Variants in NCAN observed in about 807,000 individuals in gnomAD.
NCAN encodes the protein neurocan core protein.
A neutral mutation model predicts 121.8 loss-of-function variants in NCAN; 47 were observed. The ratio of observed to expected loss-of-function variants is 0.39; its 90% CI spans 0.31 to 0.49. The LOEUF (loss-of-function observed/expected upper bound fraction) is 0.49. Ranked by LOEUF, NCAN falls within the 20% of genes least tolerant of loss-of-function variation. The pLI is 0.92. For missense variants in NCAN, 1,517 were observed against 1,773.4 expected, an observed-to-expected ratio of 0.86 and a Z score of 2.60; for synonymous variants, 633 against 702.0, an observed-to-expected ratio of 0.90 and a Z score of 1.55.
intron 2 of NCAN, 102 bp downstream of exon 2, chr19:19,217,128 G>A (rs1035791545): frequency 5.0e-6 from 4 of 803,600 alleles, no homozygotes; most frequent in Middle Eastern, 2.6e-4. Flanking sequence ...TCCTGGCATG[G>A]GCTAGAGAAT....
In NCAN at chr19:19,226,697, C is replaced by T; in HGVS notation, c.1284C>T (p.Thr428=). Residue 428 remains threonine (T), a synonymous_variant, in exon 7 of 15, where the codon ACC becomes ACT. Transcript: ENST00000252575. ...ILEEKQESQQ[T]LSPTPGDPML... ...AGGAGAAGCAGGAGTCTCAACAGAC[C>T]CTCAGCCCTACCCCTGGGGACCCCA... The T allele has an allele frequency of 1.9e-6, 3 of 1,612,954 alleles. No individual in the cohort carries two copies. The highest frequency in any genetic ancestry group is 2.5e-6 in the Non-Finnish European group (3 of 1,179,270).
At position 19,212,450 on chromosome 19, in the gene NCAN, T is replaced by C. The variant is rs1004361355; in HGVS notation, c.-8+386T>C. On this transcript the variant is annotated intron_variant, in intron 1 of 14. Coordinates refer to ENST00000252575, the MANE Select transcript of NCAN (RefSeq NM_004386.3). The surrounding 1 kb of genome is among the most constrained non-coding windows in gnomAD (Gnocchi z 4.5). The stretch of plus-strand genomic sequence containing the variant: ...GGGACTCTGGAACAGGGCACCCCCG[T>C]ATCTCAGCCGAGACACCCCAGGATT... Among the ~76,000 whole-genome samples the C allele has an allele frequency of 6.6e-6, 1 of 151,862 alleles. No homozygotes were observed. Among genetic ancestry groups the C allele is most frequent in the Non-Finnish European group, 1.5e-5 (1 of 67,940 alleles).
chr19:19,248,902 G>T lies in NCAN; in HGVS notation c.3820+20G>T, dbSNP rs750411666. 3.5e-5 allele frequency: 56 copies of T among 1,612,232 alleles called. 1 individual carries two copies. The highest frequency in any genetic ancestry group is 4.1e-5 in the Non-Finnish European group (48 of 1,178,810). The stretch of plus-strand genomic sequence containing the variant: ...CCAAACGTAAGTAGCTTCTCCCAGA[G>T]ATCTCAACATAGGTTTTTGGTATTT... On this transcript the variant is annotated intron_variant, in intron 14 of 14. Transcript: ENST00000252575.
chr19:19,227,307 G>A lies in NCAN; in HGVS notation c.1687G>A (p.Glu563Lys), dbSNP rs763424005. The A allele has an allele frequency of 1.2e-5, 19 of 1,585,500 alleles. No homozygotes were observed. The highest frequency in any genetic ancestry group is 1.6e-5 in the Non-Finnish European group (19 of 1,165,372). Residue 563 changes from glutamate to lysine, a missense_variant, in exon 8 of 15, where the codon GAG becomes AAG. Glu to Lys is a moderately conservative substitution (Grantham distance 56). Coordinates refer to ENST00000252575, the MANE Select transcript of NCAN (RefSeq NM_004386.3). The surrounding 1 kb of genome is among the most constrained non-coding windows in gnomAD (Gnocchi z 4.2). Reference protein sequence around the residue: ...AGSAGGKSSPEPWLWPPTMVP... With the variant: ...AGSAGGKSSPKPWLWPPTMVP... ...TTCTGCTGGTGGCAAGAGCTCCCCA[G>A]AGCCCTGGCTGTGGCCCCCTACCAT... is the stretch of plus-strand genomic sequence containing the variant.
In NCAN at chr19:19,248,681, A is replaced by G; in HGVS notation, c.3638-19A>G. 1.3e-6 allele frequency: 2 copies of G among 1,595,868 alleles called. No individual in the cohort carries two copies. The highest frequency in any genetic ancestry group is 1.7e-6 in the Non-Finnish European group (2 of 1,164,746). ...CCCAGATGTGAGCACCTCTCTCACT[A>G]GAGATTCCTCTGTCCCAGTGCTCTG... On this transcript the variant is annotated intron_variant, in intron 13 of 14. Transcript: ENST00000252575.
chr19:19,220,939 C>G (rs938906727), intron 3 of NCAN, among the ~76,000 whole-genome samples: 1 of 151,548 alleles, frequency 6.6e-6, no homozygotes, highest in Non-Finnish European at 1.5e-5. Context: ...AAACAAAAAA[C>G]AAAAAACGGG....
At chr19:19,238,471 C>A in intron 11 of NCAN, 60 bp downstream of exon 11, 2 of 1,602,366 alleles carry the variant, frequency 1.2e-6, no homozygotes, top group Middle Eastern at 1.7e-4. Flanking sequence ...GCACTTGTAG[C>A]CCTTTTGCCA....
chr19:19,235,784 C>T (rs946829344), intron 10 of NCAN, among the ~76,000 whole-genome samples: 1 of 152,084 alleles, frequency 6.6e-6, no homozygotes, highest in African/African-American at 2.4e-5. Context: ...CCCTGGCACC[C>T]AGGCTGGATG....
At chr19:19,245,276 G>T in intron 12 of NCAN, 37 bp from the exon 13 acceptor site, 1 of 1,609,356 alleles carries the variant, frequency 6.2e-7, no homozygotes, top group Non-Finnish European at 8.5e-7. Flanking sequence ...CTGGAACAGA[G>T]GTCCCCTGAA....
Position 19,220,543 on chromosome 19 carries a change from T to C in NCAN, c.475+1227T>C, listed in dbSNP as rs114313237. Among the ~76,000 whole-genome samples, 1,393 of 145,018 alleles carry C rather than the reference T, an allele frequency of 9.6e-3. 28 individuals carry two copies. The highest frequency in any genetic ancestry group is 0.033 in the African/African-American group (1,287 of 39,494). Reference sequence around the variant, plus strand: ...CATGATCTCAACTCATCGCCAGCTCTGCCTCCCGGGTTCACACCATTCTCC... The same window carrying C: ...CATGATCTCAACTCATCGCCAGCTCCGCCTCCCGGGTTCACACCATTCTCC... On this transcript the variant is annotated intron_variant, in intron 3 of 14. Coordinates refer to ENST00000252575, the MANE Select transcript of NCAN (RefSeq NM_004386.3).
chr19:19,215,686 T>A (rs760478834), intron 1 of NCAN, among the ~76,000 whole-genome samples: 1 of 152,142 alleles, frequency 6.6e-6, no homozygotes, highest in Non-Finnish European at 1.5e-5. Context: ...AATAGAATCT[T>A]GGTGACAACC....
chr19:19,235,042 A>G lies in NCAN; in HGVS notation c.3196A>G (p.Asn1066Asp). The change falls in exon 10 of 15, where the codon AAT becomes GAT. Residue 1066 changes from asparagine (N) to aspartate (D), a missense_variant. By Grantham distance (23) the Asn-to-Asp change is conservative. Transcript: ENST00000252575. ...ENGGTCIDEV[N>D]GFVCLCLPSY... ...TGGAGGCACCTGTATTGATGAGGTC[A>G]ATGGCTTTGTCTGCCTTTGCCTCCC... The G allele has an allele frequency of 1.9e-6, 3 of 1,612,966 alleles. No individual in the cohort carries two copies. Among genetic ancestry groups the G allele is most frequent in the Non-Finnish European group, 1.7e-6 (2 of 1,179,192 alleles).
chr19:19,217,106 C>T (rs2060798774), intron 2 of NCAN, 80 bp downstream of exon 2: 1 of 1,031,856 alleles, frequency 9.7e-7, no homozygotes, highest in Non-Finnish European at 1.3e-6. Flanking sequence ...CCAGAGCCTT[C>T]TCCTGCTGGT....
At chr19:19,234,863 C>T (rs2060875144) in intron 9 of NCAN, 120 bp from the exon 10 acceptor site, 1 of 552,284 alleles carries the variant, frequency 1.8e-6, no homozygotes, top group Non-Finnish European at 3.2e-6. Flanking sequence ...ACTGTGACTG[C>T]TGCACTTAGG....
In NCAN at chr19:19,227,647, A is replaced by C; in HGVS notation, c.2027A>C (p.Lys676Thr). 6.2e-7 allele frequency: 1 copy of C among 1,613,928 alleles called. No homozygotes were observed. The highest frequency in any genetic ancestry group is 8.5e-7 in the Non-Finnish European group (1 of 1,180,006). The change falls in exon 8 of 15, where the codon AAG becomes ACG. Residue 676 changes from lysine to threonine, a missense_variant. Physicochemically the swap from Lys to Thr is moderately conservative, Grantham distance 78 (BLOSUM62 -1). Transcript: ENST00000252575. This position sits in a 1 kb window ranked among gnomAD's most constrained non-coding sequence, Gnocchi z 4.2. ...TAPPSPAAETKVYSLPLSLTP... is the reference protein window; with the variant it reads ...TAPPSPAAETTVYSLPLSLTP... ...CCACCCTCCCCTGCTGCAGAGACCA[A>C]GGTGTATTCCCTGCCTCTCTCTTTG... is the stretch of plus-strand genomic sequence containing the variant.
chr19:19,241,101 TA>T, intron 12 of NCAN, among the ~76,000 whole-genome samples: 1 of 151,808 alleles, frequency 6.6e-6, no homozygotes, highest in East Asian at 1.9e-4. Flanking sequence ...ACTAAAAATA[TA>T]AAAATTAGCT....
intron 8 of NCAN, among the ~76,000 whole-genome samples, chr19:19,232,539 G>A (rs2060864286): frequency 6.6e-6 from 1 of 152,244 alleles, no homozygotes; most frequent in African/African-American, 2.4e-5. Flanking sequence ...AGGAGGGCCA[G>A]CTGCTACCTT....
At chr19:19,213,363 C>T (rs917817679) in intron 1 of NCAN, among the ~76,000 whole-genome samples, 1 of 151,838 alleles carries the variant, frequency 6.6e-6, no homozygotes, top group South Asian at 2.1e-4. Flanking sequence ...GTGCCGAGGG[C>T]CACATCACCA....
intron 12 of NCAN, among the ~76,000 whole-genome samples, chr19:19,242,242 G>T (rs927786962): frequency 6.6e-6 from 1 of 152,008 alleles, no homozygotes; most frequent in Non-Finnish European, 1.5e-5. Context: ...AGAAAAAGAG[G>T]CTGGGTGTGG....
Sources: allele counts gnomAD v4.1 joint callset (sites outside exome capture counted in the v4.1 genomes callset), GRCh38; gene constraint gnomAD v4.1.1; non-coding constraint Gnocchi (gnomAD v3.1); transcripts MANE v1.5; gene names NCBI Gene and HGNC (gene_info 2026-07-23, HGNC 2026-07-21).